The following MTCL1 variants were observed in gnomAD, a reference collection of about 807,000 sequenced individuals.
MTCL1 encodes the protein microtubule cross-linking factor 1.
MTCL1 carries 79 observed loss-of-function variants against 141.4 expected under a neutral mutation model. That is an observed-to-expected ratio of 0.56 (90% CI 0.47 to 0.67). MTCL1 has a LOEUF of 0.67. Ranked by LOEUF, MTCL1 falls within the 30% of genes least tolerant of loss-of-function variation. The pLI is 0.00. For synonymous variants in MTCL1, 914 were observed against 875.8 expected (o/e 1.04, Z -0.77); for missense variants, 2,177 against 2,113.9 (o/e 1.03, Z -0.59).
rs17480016 is a variant in MTCL1, at chr18:8,709,623, C to T, written c.1053+2910C>T. ...ATTCCAATGTATCTGATAAGAGGCT[C>T]GGCCCACAAATTTTACGTTGCTATA... On this transcript the variant is annotated intron_variant, in intron 1 of 13. Transcript: ENST00000306329. Among the ~76,000 whole-genome samples, 640 of 152,294 alleles carry T rather than the reference C, an allele frequency of 4.2e-3. 4 individuals carry two copies. The highest frequency in any genetic ancestry group is 8.1e-3 in the South Asian group (39 of 4,822).
chr18:8,748,431 T>A (rs2096352657), intron 4 of MTCL1, among the ~76,000 whole-genome samples: 1 of 152,102 alleles, frequency 6.6e-6, no homozygotes, highest in Admixed American at 6.5e-5. Context: ...TGGTCCCAGC[T>A]ACTTGGGAGG....
intron 6 of MTCL1, 106 bp downstream of exon 5, chr18:8,784,949 T>A: frequency 9.5e-7 from 1 of 1,053,836 alleles, no homozygotes; most frequent in Non-Finnish European, 1.3e-6. Context: ...TTGGTTATGA[T>A]TTCAAACCTG....
rs1362420114 is a variant in MTCL1 at position 8,809,727 on chromosome 18, TG to T, written c.2604+2668del. On this transcript the variant is annotated intron_variant, in intron 11 of 16. Coordinates refer to ENST00000359865, the Ensembl canonical transcript of MTCL1. Reference sequence around the variant, plus strand: ...ACGGCTGTCAGGTTTCTAGTACGGGTGCCTGGGCGATGGGCCATCACTGAGA... The same window carrying T: ...ACGGCTGTCAGGTTTCTAGTACGGGTCCTGGGCGATGGGCCATCACTGAGA... The T allele has an allele frequency of 1.0e-4, 109 of 1,071,518 alleles. 1 individual carries two copies. Among genetic ancestry groups the T allele is most frequent in the Non-Finnish European group, 1.4e-4 (107 of 769,462 alleles). The allele number at this position is 1,071,518 out of a possible 1,614,324, so 66.4% of individuals were successfully genotyped here. A position where few individuals can be genotyped will look rare whatever the true frequency, so the allele number is the denominator to read the frequency against.
In MTCL1 at chr18:8,705,708, G is replaced by C. The variant is rs1256702971; in HGVS notation, c.48G>C (p.Lys16Asn). The change falls in exon 1 of 14, where the codon AAG becomes AAC. Residue 16 changes from lysine (K) to asparagine (N), a missense_variant. Transcript: ENST00000306329. This position sits in a 1 kb window ranked among gnomAD's most constrained non-coding sequence, Gnocchi z 5.2. ...CGGGCGGAGGTGCCCCGGACGCGAA[G>C]CTGCAGCCGCCCGGCCAGCACCACC... is the stretch of plus-strand genomic sequence containing the variant. The C allele has an allele frequency of 2.5e-6, 3 of 1,203,154 alleles. No individual in the cohort carries two copies. The highest frequency in any genetic ancestry group is 2.1e-6 in the Non-Finnish European group (2 of 969,178). 74.5% of individuals were successfully genotyped at this position (1,203,154 alleles called of 1,614,324 possible).
chr18:8,830,360 A>G lies in MTCL1; in HGVS notation c.*19-1247A>G. On this transcript the variant is annotated intron_variant, in intron 16 of 16. Transcript: ENST00000359865. This position sits in a 1 kb window ranked among gnomAD's most constrained non-coding sequence, Gnocchi z 6.4. ...AGCATGAAGCATAGTCTCCAGGGCC[A>G]CTGTTCCTTTTCTGCTGACCCCAGA... 1.0e-6 allele frequency: 1 copy of G among 985,540 alleles called. No homozygotes were observed. 61.0% of individuals were successfully genotyped at this position (985,540 alleles called of 1,614,324 possible).
chr18:8,747,718 A>G (rs866692437), intron 4 of MTCL1, among the ~76,000 whole-genome samples: 9 of 152,200 alleles, frequency 5.9e-5, no homozygotes, highest in Admixed American at 3.3e-4. Context: ...TTCAGCCCAC[A>G]ACATACAGGA....
exon 13 of MTCL1, chr18:8,818,990 G>C: frequency 1.2e-6 from 2 of 1,614,032 alleles, no homozygotes. Flanking sequence ...TCCCCGGAGA[G>C]GTGGCAGTTT....
chr18:8,755,239 T>G (rs767390301), intron 4 of MTCL1, among the ~76,000 whole-genome samples: 9 of 152,244 alleles, frequency 5.9e-5, no homozygotes, highest in Non-Finnish European at 1.2e-4. Context: ...GACCTAGGCC[T>G]TCTCCTGCCA....
chr18:8,786,789 T>C (rs1302237933), intron 7 of MTCL1: 1 of 201,568 alleles, frequency 5.0e-6, no homozygotes, highest in Non-Finnish European at 1.0e-5. Flanking sequence ...GCTGTGTCAG[T>C]GTAAAGTATG....
At chr18:8,760,004 C>T (rs1164211201) in intron 4 of MTCL1, among the ~76,000 whole-genome samples, 1 of 152,150 alleles carries the variant, frequency 6.6e-6, no homozygotes, top group Non-Finnish European at 1.5e-5. Flanking sequence ...AGGTCAGAAG[C>T]GACTCCAGCT....
In MTCL1 at chr18:8,814,561, G is replaced by A. The variant is rs2076589556; in HGVS notation, c.2859+1328G>A. The stretch of plus-strand genomic sequence containing the variant: ...GTATGTCGTTGCTCTATGGTTAGGT[G>A]GAAATTTTAGGGATAGAAGTGGCAT... On this transcript the variant is annotated intron_variant, in intron 12 of 16. Transcript: ENST00000359865. Among the ~76,000 whole-genome samples, 3 of 152,184 alleles carry A rather than the reference G, an allele frequency of 2.0e-5. No individual in the cohort carries two copies. The South Asian group carries it at 6.2e-4, about 31-fold the overall frequency.
At chr18:8,815,380 G>A (rs1271658394) in intron 12 of MTCL1, among the ~76,000 whole-genome samples, 7 of 152,070 alleles carry the variant, frequency 4.6e-5, no homozygotes, top group East Asian at 1.9e-4. Context: ...ACAAAAAACC[G>A]AACACCGCAT....
intron 7 of MTCL1, chr18:8,789,338 C>T: frequency 1.1e-6 from 1 of 920,366 alleles, no homozygotes; most frequent in African/African-American, 1.8e-5. Context: ...AAAATGGAAC[C>T]CTCCAGAAAA....
chr18:8,819,189 C>A, exon 13 of MTCL1: 1 of 1,614,200 alleles, frequency 6.2e-7, no homozygotes, highest in Non-Finnish European at 8.5e-7. Flanking sequence ...GATGCCTTGT[C>A]CCTGGATGAC....
chr18:8,831,583 T>C, intron 16 of MTCL1, 24 bp from the exon 15 acceptor site: 1 of 1,548,852 alleles, frequency 6.5e-7, no homozygotes, highest in Non-Finnish European at 8.7e-7. Flanking sequence ...TGAGTAACCC[T>C]GTCTCCCTTT....
In MTCL1 at chr18:8,748,641, G is replaced by A. The variant is rs141815379; in HGVS notation, c.357+28145G>A. 1.6e-3 allele frequency among the ~76,000 whole-genome samples: 250 copies of A among 151,840 alleles called. 1 individual carries two copies. The highest frequency in any genetic ancestry group is 5.1e-3 in the African/African-American group (211 of 41,376). ...TGAATATATATATTCGTGACTCCCC[G>A]AAATAAATTCAGTTTATATATATGT... On this transcript the variant is annotated intron_variant, in intron 4 of 16. Transcript: ENST00000359865.
At chr18:8,786,120 C>CCCACA in intron 7 of MTCL1, 29 bp downstream of exon 6, 1 of 1,345,742 alleles carries the variant, frequency 7.4e-7, no homozygotes, top group Admixed American at 2.8e-5. Flanking sequence ...TCCCCCCCCC[C>CCCACA]CGCCCTCCCC....
At position 8,730,591 on chromosome 18, in the gene MTCL1, C is replaced by T. The variant is rs187994287; in HGVS notation, c.357+10095C>T. The stretch of plus-strand genomic sequence containing the variant: ...CGCTTCTGTTCATCAACTTCCTGAA[C>T]GTCAGCCAGGCTCCTCGCTGGGCTT... On this transcript the variant is annotated intron_variant, in intron 4 of 16. Coordinates refer to ENST00000359865, the Ensembl canonical transcript of MTCL1. Among the ~76,000 whole-genome samples, 102 of 152,342 alleles carry T rather than the reference C, an allele frequency of 6.7e-4. 1 individual carries two copies. The highest frequency in any genetic ancestry group is 3.4e-3 in the Middle Eastern group (1 of 294).
At chr18:8,797,439 T>C (rs1223954382) in intron 9 of MTCL1, among the ~76,000 whole-genome samples, 1 of 152,256 alleles carries the variant, frequency 6.6e-6, no homozygotes, top group African/African-American at 2.4e-5. Flanking sequence ...AGTGGCCGTT[T>C]GCACTGCAGG....
Sources: gnomAD v4.1 joint callset for allele counts (sites outside exome capture counted in the v4.1 genomes callset) on GRCh38, gnomAD v4.1.1 for gene constraint, Gnocchi (gnomAD v3.1) non-coding constraint, MANE v1.5 for transcripts, NCBI Gene and HGNC (gene_info 2026-07-23, HGNC 2026-07-21) for gene names.